Variants in PODXL observed in about 807,000 individuals in gnomAD.
The protein encoded by PODXL is podocalyxin.
A neutral mutation model predicts 48.9 loss-of-function variants in PODXL; 20 were observed. The ratio of observed to expected loss-of-function variants is 0.41; its 90% confidence interval spans 0.29 to 0.59. The LOEUF is 0.59. Ranked by LOEUF, PODXL falls within the 20% of genes least tolerant of loss-of-function variation. The probability of loss-of-function intolerance (pLI) is 0.31; values close to 1 mark genes in which losing one functional copy is unlikely to be tolerated. For synonymous variants in PODXL, 295 were observed against 287.4 expected, an observed-to-expected ratio of 1.03 and a Z score of -0.27; for missense variants, 606 against 675.1, an observed-to-expected ratio of 0.90 and a Z score of 1.13.
chr7:131,527,035 G>A (rs956779023), intron 1 of PODXL, among the ~76,000 whole-genome samples: 6 of 152,180 alleles, frequency 3.9e-5, no homozygotes, highest in African/African-American at 1.2e-4. Flanking sequence ...CACCACACCT[G>A]GCCCACAACT....
At chr7:131,547,856 A>G (rs1243516528) in intron 1 of PODXL, among the ~76,000 whole-genome samples, 1 of 152,134 alleles carries the variant, frequency 6.6e-6, no homozygotes, top group Non-Finnish European at 1.5e-5. Flanking sequence ...TGCTGCTGTC[A>G]CTGAGAGCTC....
At chr7:131,530,760 A>G (rs1252812858) in intron 1 of PODXL, among the ~76,000 whole-genome samples, 6 of 132,188 alleles carry the variant, frequency 4.5e-5, no homozygotes, top group Non-Finnish European at 8.0e-5. Context: ...CATGTCTCAG[A>G]AAAAAAAAAA....
intron 1 of PODXL, among the ~76,000 whole-genome samples, chr7:131,524,362 G>A (rs6973595): frequency 0.72 from 89,791 of 124,992 alleles, 30,888 homozygotes; most frequent in Admixed American, 0.79. Context: ...ACACACACAC[G>A]CACACACACA....
intron 5 of PODXL, 110 bp from the exon 6 acceptor site, chr7:131,506,836 C>G (rs1797814260): frequency 1.7e-6 from 2 of 1,183,376 alleles, no homozygotes; most frequent in South Asian, 2.7e-5. Context: ...GTGCTAGAAC[C>G]TGCCTCCCTC....
intron 7 of PODXL, 30 bp from the exon 8 acceptor site, chr7:131,506,065 G>T: frequency 6.3e-7 from 1 of 1,598,414 alleles, no homozygotes. Flanking sequence ...GAACAGGCTG[G>T]GGGCATCCTC....
chr7:131,545,211 A>T (rs527641453), intron 1 of PODXL, among the ~76,000 whole-genome samples: 1 of 152,270 alleles, frequency 6.6e-6, no homozygotes, highest in African/African-American at 2.4e-5. Flanking sequence ...GAGAAGCAAC[A>T]CCACTGCAAA....
intron 1 of PODXL, among the ~76,000 whole-genome samples, chr7:131,512,194 T>C (rs1031164055): frequency 6.6e-6 from 1 of 152,192 alleles, no homozygotes; most frequent in Non-Finnish European, 1.5e-5. Flanking sequence ...CATGGTGGCT[T>C]CACCTGTCAT....
Position 131,504,348 on chromosome 7 carries a change from T to C in PODXL, c.1640A>G (p.Lys547Arg), listed in dbSNP as rs138243217. The change falls in exon 9 of 9, where the codon AAG becomes AGG. Residue 547 changes from lysine (K) to arginine (R), a missense_variant. Coordinates refer to ENST00000378555, the MANE Select transcript of PODXL (RefSeq NM_001018111.3). Reference protein sequence around the residue: ...SWIVPLDNLTKDDLDEEEDTH... With the variant: ...SWIVPLDNLTRDDLDEEEDTH... Reference sequence around the variant, plus strand: ...GTCTTCCTCCTCATCCAGGTCGTCCTTGGTCAGGTTGTCCAGAGGGACGAT... The same window carrying C: ...GTCTTCCTCCTCATCCAGGTCGTCCCTGGTCAGGTTGTCCAGAGGGACGAT... 217 of 1,614,212 alleles carry C rather than the reference T, an allele frequency of 1.3e-4. No individual in the cohort carries two copies. In the African/African-American group the frequency reaches 2.6e-3, roughly 19 times the overall value.
chr7:131,552,241 T>C (rs1482125880), intron 1 of PODXL, among the ~76,000 whole-genome samples: 2 of 152,170 alleles, frequency 1.3e-5, no homozygotes, highest in Non-Finnish European at 2.9e-5. Context: ...GATAAGTATG[T>C]TGTTGGCCCC....
chr7:131,546,475 C>T, intron 1 of PODXL, among the ~76,000 whole-genome samples: 1 of 152,036 alleles, frequency 6.6e-6, no homozygotes, highest in Non-Finnish European at 1.5e-5. Flanking sequence ...TCTGTAATTC[C>T]AGCACTTTGG....
intron 1 of PODXL, among the ~76,000 whole-genome samples, chr7:131,543,047 C>G (rs773759674): frequency 6.6e-6 from 1 of 152,160 alleles, no homozygotes; most frequent in Non-Finnish European, 1.5e-5. Flanking sequence ...CTGGGATGTT[C>G]TCTGCTTTTC....
chr7:131,509,142 T>A, intron 4 of PODXL, 114 bp from the exon 5 acceptor site: 1 of 1,003,544 alleles, frequency 1.0e-6, no homozygotes, highest in Non-Finnish European at 1.6e-6. Context: ...GCTGGAGGCA[T>A]GGCTGGACCC....
At chr7:131,514,283 G>A (rs1305423851) in intron 1 of PODXL, among the ~76,000 whole-genome samples, 4 of 151,994 alleles carry the variant, frequency 2.6e-5, no homozygotes, top group Admixed American at 6.6e-5. Flanking sequence ...GCGTGGTGGC[G>A]GGCACCTGTA....
In PODXL at chr7:131,503,153, T is replaced by G. The variant is rs1797737934; in HGVS notation, c.*1158A>C. ...CAACTATAACAAAACTCTCAGCAACTTGAAATGTCCCTGAGTTTCCTATGA... is the reference window on the plus strand; with the variant it reads ...CAACTATAACAAAACTCTCAGCAACGTGAAATGTCCCTGAGTTTCCTATGA... On this transcript the variant is annotated 3_prime_UTR_variant, in exon 9 of 9. Coordinates refer to ENST00000378555, the MANE Select transcript of PODXL (RefSeq NM_001018111.3). 1 of 152,650 alleles carries G rather than the reference T, an allele frequency of 6.6e-6. No homozygotes were observed. Among genetic ancestry groups the G allele is most frequent in the African/African-American group, 2.4e-5 (1 of 41,432 alleles). The allele number at this position is 152,650 out of a possible 1,614,324, so 9.5% of individuals were successfully genotyped here.
intron 1 of PODXL, among the ~76,000 whole-genome samples, chr7:131,548,309 A>G (rs1034118869): frequency 1.3e-5 from 2 of 152,222 alleles, no homozygotes; most frequent in African/African-American, 2.4e-5. Context: ...ACCTACTCCA[A>G]ATATCCACTC....
At chr7:131,517,959 G>A (rs1798029289) in intron 1 of PODXL, among the ~76,000 whole-genome samples, 1 of 152,070 alleles carries the variant, frequency 6.6e-6, no homozygotes, top group African/African-American at 2.4e-5. Context: ...GGCTGGTCTC[G>A]AACTCCTGAC....
intron 6 of PODXL, 73 bp from the exon 7 acceptor site, chr7:131,506,394 A>C: frequency 6.7e-7 from 1 of 1,502,064 alleles, no homozygotes; most frequent in Non-Finnish European, 9.3e-7. Flanking sequence ...CTGCGCCCCA[A>C]GAGAGGGACG....
intron 1 of PODXL, among the ~76,000 whole-genome samples, chr7:131,545,433 G>A (rs994645290): frequency 6.6e-6 from 1 of 152,188 alleles, no homozygotes; most frequent in Non-Finnish European, 1.5e-5. Context: ...CTGGGTTTTA[G>A]TACTCTAAGT....
At position 131,506,281 on chromosome 7, in the gene PODXL, G is replaced by C; in HGVS notation, c.1290C>G (p.Asp430Glu). ...PAKDVYERLKDKWDELKEAGV... is the reference protein window; with the variant it reads ...PAKDVYERLKEKWDELKEAGV... ...TTACCTCCTTTAGTTCATCCCATTT[G>C]TCCTTCAGCCGCTCGTACACATCCT... Residue 430 changes from aspartate to glutamate, a missense_variant, in exon 7 of 9, where the codon GAC (aspartate) becomes GAG (glutamate). Physicochemically the swap from Asp to Glu is conservative, Grantham distance 45. Transcript: ENST00000378555. 6.2e-7 allele frequency: 1 copy of C among 1,614,190 alleles called. No homozygotes were observed. The highest frequency in any genetic ancestry group is 8.5e-7 in the Non-Finnish European group (1 of 1,180,016).
Sources: allele counts gnomAD v4.1 joint callset (sites outside exome capture counted in the v4.1 genomes callset), GRCh38; gene constraint gnomAD v4.1.1; transcripts MANE v1.5; gene names NCBI Gene and HGNC (gene_info 2026-07-23, HGNC 2026-07-21).